GABRG1: variants seen among roughly 807,000 people sequenced by gnomAD.
GABRG1 encodes gamma-aminobutyric acid type A receptor subunit gamma1, also known as gamma-aminobutyric acid receptor subunit gamma-1.
In GABRG1, 49 loss-of-function variants were observed where a neutral mutation model predicts 49.8. That is an observed-to-expected ratio of 0.98 (90% CI 0.78 to 1.25). GABRG1 has a LOEUF of 1.25. GABRG1 is among the 50% of genes most tolerant of loss of function. The pLI, the probability that GABRG1 is intolerant of heterozygous loss-of-function variation, is 0.00. For missense variants in GABRG1, 552 were observed against 552.3 expected (o/e 1.00, Z 0.01); for synonymous variants, 232 against 185.1 (o/e 1.25, Z -2.06).
At chr4:46,103,563 G>A (rs1359610368) in intron 1 of GABRG1, among the ~76,000 whole-genome samples, 2 of 151,376 alleles carry the variant, frequency 1.3e-5, no homozygotes, top group Admixed American at 1.3e-4. Flanking sequence ...TATTTTAATA[G>A]CAAATTAATC....
intron 2 of GABRG1, among the ~76,000 whole-genome samples, chr4:46,091,320 T>C (rs1719982153): frequency 6.6e-6 from 1 of 152,046 alleles, no homozygotes; most frequent in African/African-American, 2.4e-5. Flanking sequence ...AAGTCCTCTC[T>C]GGAATAAAAT....
chr4:46,121,844 C>T (rs6833256), intron 1 of GABRG1, among the ~76,000 whole-genome samples: 84,698 of 151,838 alleles, frequency 0.56, 25,051 homozygotes, highest in African/African-American at 0.75. Context: ...ATTACTATGA[C>T]AATAAAAATT....
At chr4:46,084,655 T>C (rs993515479) in intron 2 of GABRG1, among the ~76,000 whole-genome samples, 3 of 151,716 alleles carry the variant, frequency 2.0e-5, no homozygotes, top group African/African-American at 7.2e-5. Flanking sequence ...TTACATAGTT[T>C]GTTTTTCCTC....
intron 4 of GABRG1, 87 bp downstream of exon 4, chr4:46,065,277 A>T: frequency 2.1e-6 from 2 of 969,312 alleles, no homozygotes; most frequent in Non-Finnish European, 3.0e-6. Context: ...TGGTTTTGCA[A>T]CTTTGAGAAA....
Position 46,058,293 on chromosome 4 carries a change from T to C in GABRG1, c.840A>G (p.Pro280=), listed in dbSNP as rs368244440. Reference sequence around the variant, plus strand: ...AAGAAAGAACAACTGTCAGAATGCATGGAATGTAGGTCTGAATAGTGAAAT... The same window carrying C: ...AAGAAAGAACAACTGTCAGAATGCACGGAATGTAGGTCTGAATAGTGAAAT... ...MGYFTIQTYI[P]CILTVVLSWV... is the part of the protein sequence containing the mutation. The change falls in exon 7 of 9, where the codon CCA becomes CCG. Residue 280 remains proline (P), a synonymous_variant. Transcript: ENST00000295452. 8.1e-6 allele frequency: 13 copies of C among 1,613,136 alleles called. No individual in the cohort carries two copies. Among genetic ancestry groups the C allele is most frequent in the African/African-American group, 5.3e-5 (4 of 74,908 alleles).
intron 1 of GABRG1, among the ~76,000 whole-genome samples, chr4:46,112,399 G>T (rs188869185): frequency 1.3e-5 from 2 of 151,516 alleles, no homozygotes; most frequent in Non-Finnish European, 3.0e-5. Context: ...ATGCAAAATA[G>T]TTCTGCCAAT....
At position 46,100,638 on chromosome 4, in the gene GABRG1, G is replaced by A. The variant is rs145023373; in HGVS notation, c.105-3289C>T. 8.5e-4 allele frequency among the ~76,000 whole-genome samples: 124 copies of A among 145,680 alleles called. 1 individual carries two copies. The East Asian group carries it at 0.021, about 24-fold the overall frequency. On this transcript the variant is annotated intron_variant, in intron 1 of 8. Coordinates refer to ENST00000295452, the MANE Select transcript of GABRG1 (RefSeq NM_173536.4). ...TAGAATGAAGTATCTGGTGGGTATG[G>A]CAAGCCACTGCACATATAAACAGTT...
At chr4:46,072,126 A>G (rs973557826) in intron 3 of GABRG1, among the ~76,000 whole-genome samples, 3 of 152,062 alleles carry the variant, frequency 2.0e-5, no homozygotes, top group Admixed American at 6.6e-5. Context: ...TTAGATATGC[A>G]AATGCTTATT....
chr4:46,086,441 T>A (rs544907301), intron 2 of GABRG1, among the ~76,000 whole-genome samples: 18 of 151,682 alleles, frequency 1.2e-4, no homozygotes, highest in Non-Finnish European at 2.2e-4. Context: ...TAACCATGCT[T>A]TCTTGGACAC....
In GABRG1 at chr4:46,038,522, A is replaced by G. The variant is rs982738435; in HGVS notation, c.*2466T>C. The G allele has an allele frequency of 6.6e-6, 1 of 151,636 alleles. No individual in the cohort carries two copies. Among genetic ancestry groups the G allele is most frequent in the Admixed American group, 6.6e-5 (1 of 15,140 alleles). The allele number at this position is 151,636 out of a possible 1,614,324, so 9.4% of individuals were successfully genotyped here. A position where few individuals can be genotyped will look rare whatever the true frequency, so the allele number is the denominator to read the frequency against. On this transcript the variant is annotated 3_prime_UTR_variant, in exon 9 of 9. Coordinates refer to ENST00000295452, the MANE Select transcript of GABRG1 (RefSeq NM_173536.4). ...CAAGTTCCAATAAATTCAATAAATT[A>G]TTATATAACTCCCCAGAGAAAGAGG...
chr4:46,076,945 T>C (rs1184681962), intron 3 of GABRG1, among the ~76,000 whole-genome samples: 1 of 151,700 alleles, frequency 6.6e-6, no homozygotes, highest in Non-Finnish European at 1.5e-5. Context: ...TATTTAATAA[T>C]AATATTACTC....
rs555216053 is a variant in GABRG1 at position 46,117,978 on chromosome 4, A to G, written c.104+5832T>C. ...TCTATATACATATATACATATGTAT[A>G]CATGTGTATCTATATACATATATAC... On this transcript the variant is annotated intron_variant, in intron 1 of 8. Transcript: ENST00000295452. Among the ~76,000 whole-genome samples, 44 of 86,580 alleles carry G rather than the reference A, an allele frequency of 5.1e-4. 1 individual carries two copies. Among genetic ancestry groups the G allele is most frequent in the South Asian group, 4.4e-3 (13 of 2,922 alleles). The allele number at this position is 86,580 out of a possible 152,430, so 56.8% of individuals were successfully genotyped here. A position where few individuals can be genotyped will look rare whatever the true frequency, so the allele number is the denominator to read the frequency against.
At chr4:46,080,165 T>C (rs1397186201) in intron 3 of GABRG1, among the ~76,000 whole-genome samples, 1 of 151,686 alleles carries the variant, frequency 6.6e-6, no homozygotes, top group Non-Finnish European at 1.5e-5. Context: ...GAAACACCCA[T>C]TTTGCAGCAA....
At chr4:46,045,725 G>C (rs1430394920) in intron 8 of GABRG1, among the ~76,000 whole-genome samples, 1 of 151,544 alleles carries the variant, frequency 6.6e-6, no homozygotes, top group Non-Finnish European at 1.5e-5. Context: ...TTAACCAAGT[G>C]CCTGACTAAT....
chr4:46,092,335 G>T (rs1409224615), intron 2 of GABRG1, among the ~76,000 whole-genome samples: 7 of 151,906 alleles, frequency 4.6e-5, no homozygotes, highest in Non-Finnish European at 1.0e-4. Context: ...AAATGACACT[G>T]TAGTTTATGG....
chr4:46,102,279 C>T (rs1720405570), intron 1 of GABRG1, among the ~76,000 whole-genome samples: 1 of 151,570 alleles, frequency 6.6e-6, no homozygotes, highest in Admixed American at 6.6e-5. Context: ...GCACCAGACC[C>T]AAGCTGTCTC....
At chr4:46,095,230 C>G (rs1720128901) in intron 2 of GABRG1, among the ~76,000 whole-genome samples, 1 of 151,578 alleles carries the variant, frequency 6.6e-6, no homozygotes, top group South Asian at 2.1e-4. Context: ...GTCAGAAAGT[C>G]AGAGAGAATA....
At chr4:46,058,714 C>T (rs1406210799) in intron 5 of GABRG1, 92 bp from the exon 6 acceptor site, 3 of 964,868 alleles carry the variant, frequency 3.1e-6, no homozygotes, top group Non-Finnish European at 4.6e-6. Context: ...GGAACTTTCT[C>T]CTCTTTTTTT....
intron 1 of GABRG1, among the ~76,000 whole-genome samples, chr4:46,112,729 G>C (rs914736438): frequency 6.6e-6 from 1 of 151,036 alleles, no homozygotes; most frequent in South Asian, 2.1e-4. Flanking sequence ...TTGTAAGTGT[G>C]AGCCTAACAT....
Sources: gnomAD v4.1 joint callset for allele counts (sites outside exome capture counted in the v4.1 genomes callset) on GRCh38, gnomAD v4.1.1 for gene constraint, MANE v1.5 for transcripts, NCBI Gene and HGNC (gene_info 2026-07-23, HGNC 2026-07-21) for gene names.